Variants in MTRR observed in about 807,000 individuals in gnomAD.
The protein encoded by MTRR is methionine synthase reductase.
MTRR carries 63 observed loss-of-function variants against 79.2 expected under a neutral mutation model. The observed-to-expected ratio is 0.80, with a 90% CI of 0.65 to 0.98. MTRR has a LOEUF of 0.98. MTRR is among the 50% of genes least tolerant of loss of function. MTRR has a pLI of 0.00. For synonymous variants in MTRR, 355 were observed against 313.3 expected (o/e 1.13, Z -1.41); for missense variants, 895 against 839.6 (o/e 1.07, Z -0.82).
At chr5:7,851,103 G>A (rs1174269301), upstream of MTRR, 3 of 1,224,884 alleles carry the variant, frequency 2.4e-6, no homozygotes, top group Middle Eastern at 3.1e-4. Context: ...CAGGCCTCAG[G>A]TTGCTCAGCG....
intron 1 of MTRR, chr5:7,870,518 G>A (rs906089481): frequency 2.2e-6 from 1 of 446,502 alleles, no homozygotes; most frequent in Non-Finnish European, 4.1e-6. Flanking sequence ...ACAGATTCAA[G>A]CCCAAGTAGT....
At chr5:7,895,991 C>A in intron 12 of MTRR, 139 bp downstream of exon 12, 1 of 1,136,130 alleles carries the variant, frequency 8.8e-7, no homozygotes, top group South Asian at 1.5e-5. Flanking sequence ...CATAATTTGT[C>A]ACCATGGGAA....
intron 8 of MTRR, 21 bp downstream of exon 8, chr5:7,886,724 C>A: frequency 6.4e-7 from 1 of 1,556,072 alleles, no homozygotes. Flanking sequence ...CTGTCTTCTT[C>A]AGGTAACTAT....
upstream of MTRR, chr5:7,868,200 G>C: frequency 1.3e-5 from 3 of 222,560 alleles, no homozygotes; most frequent in East Asian, 1.6e-4. Flanking sequence ...CGAGTATCTG[G>C]AAAAAAAAAA....
chr5:7,881,525 G>C (rs1249648205), intron 5 of MTRR, among the ~76,000 whole-genome samples: 1 of 152,066 alleles, frequency 6.6e-6, no homozygotes, highest in African/African-American at 2.4e-5. Flanking sequence ...ATTTTTAAGG[G>C]AATCTGGGTA....
Position 7,880,010 on chromosome 5 carries a change from G to C in MTRR, c.780+1688G>C, listed in dbSNP as rs552558785. 3.3e-5 allele frequency among the ~76,000 whole-genome samples: 5 copies of C among 152,354 alleles called. No individual in the cohort carries two copies. In the South Asian group the frequency reaches 1.0e-3, roughly 32 times the overall value. On this transcript the variant is annotated intron_variant, in intron 5 of 14. Coordinates refer to ENST00000440940, the MANE Select transcript of MTRR (RefSeq NM_002454.3). ...CCTGAAGAGACTTAGCAGTGGTTCT[G>C]CTTCTCTCTAGAAGTGAGGTACAAG...
upstream of MTRR, chr5:7,868,153 A>G (rs1419747722): frequency 4.4e-6 from 4 of 905,848 alleles, no homozygotes; most frequent in Non-Finnish European, 6.5e-6. Context: ...CATTGAGAAC[A>G]TGATTGACCC....
chr5:7,897,075 A>T lies in MTRR; in HGVS notation c.1780A>T (p.Arg594Ter), dbSNP rs1293600145. The T allele has an allele frequency of 6.2e-7, 1 of 1,614,044 alleles. No homozygotes were observed. The highest frequency in any genetic ancestry group is 1.7e-5 in the Admixed American group (1 of 60,006). Residue 594 changes from arginine to a stop codon, truncating the protein, a stop_gained, in exon 14 of 15, where the codon AGA becomes TGA. Coordinates refer to ENST00000440940, the MANE Select transcript of MTRR (RefSeq NM_002454.3). LOFTEE classifies it high-confidence loss of function. Reference sequence around the variant, plus strand: ...TATATTATATTTCAGAAAAGAGCTCAGACATTTCCTTAAGCATGGGATCTT... The same window carrying T: ...TATATTATATTTCAGAAAAGAGCTCTGACATTTCCTTAAGCATGGGATCTT... ...DRDYLFRKELRHFLKHGILTH... is the reference protein window; with the variant it reads ...DRDYLFRKEL
intron 8 of MTRR, among the ~76,000 whole-genome samples, chr5:7,887,817 T>C (rs1315161664): frequency 1.7e-4 from 6 of 35,586 alleles, no homozygotes; most frequent in South Asian, 9.1e-4. Context: ...TATATATATA[T>C]ATATATATAT....
At chr5:7,855,537 T>G (rs1415179732) in intron 1 of MTRR, among the ~76,000 whole-genome samples, 2 of 152,124 alleles carry the variant, frequency 1.3e-5, no homozygotes, top group Non-Finnish European at 2.9e-5. Context: ...AGATGGGGTT[T>G]TGCTCTGCCA....
In MTRR at chr5:7,879,900, C is replaced by T. The variant is rs148654028; in HGVS notation, c.780+1578C>T. On this transcript the variant is annotated intron_variant, in intron 5 of 14. Coordinates refer to ENST00000440940, the MANE Select transcript of MTRR (RefSeq NM_002454.3). ...TGTAGAGCCCTCTCCTGCTCTGGGCCCCACGCAAAGCTGGTGGCCTTTTCT... is the reference window on the plus strand; with the variant it reads ...TGTAGAGCCCTCTCCTGCTCTGGGCTCCACGCAAAGCTGGTGGCCTTTTCT... Among the ~76,000 whole-genome samples the T allele has an allele frequency of 1.0e-3, 159 of 152,306 alleles. 1 individual carries two copies. The highest frequency in any genetic ancestry group is 1.8e-3 in the Non-Finnish European group (123 of 68,030).
chr5:7,852,379 C>T (rs1746101104), intron 1 of MTRR, among the ~76,000 whole-genome samples: 1 of 152,104 alleles, frequency 6.6e-6, no homozygotes, highest in Non-Finnish European at 1.5e-5. Flanking sequence ...CTTTTTCTCT[C>T]TCTTTTTATT....
chr5:7,891,830 CAGG>C (rs1737649921), intron 10 of MTRR, among the ~76,000 whole-genome samples: 2 of 152,096 alleles, frequency 1.3e-5, no homozygotes, highest in Non-Finnish European at 2.9e-5. Context: ...ATCATGAGGT[CAGG>C]AGATCAAGAC....
At chr5:7,895,446 A>T (rs1473539120) in intron 11 of MTRR, among the ~76,000 whole-genome samples, 2 of 152,230 alleles carry the variant, frequency 1.3e-5, no homozygotes, top group Non-Finnish European at 2.9e-5. Flanking sequence ...TTATCCATAG[A>T]CCAAGAAACA....
intron 1 of MTRR, among the ~76,000 whole-genome samples, chr5:7,858,394 A>G (rs903519315): frequency 3.9e-5 from 6 of 151,902 alleles, no homozygotes; most frequent in Non-Finnish European, 7.4e-5. Flanking sequence ...ATGAGCGGCA[A>G]GGTCAGCTGG....
chr5:7,866,436 C>T (rs1579556118), upstream of MTRR, among the ~76,000 whole-genome samples: 2 of 152,108 alleles, frequency 1.3e-5, no homozygotes, highest in East Asian at 3.9e-4. Context: ...AGGCAAAAGT[C>T]AGTTTATCTG....
intron 6 of MTRR, chr5:7,885,365 T>G: frequency 4.1e-6 from 1 of 243,628 alleles, no homozygotes; most frequent in Non-Finnish European, 8.0e-6. Context: ...GTAAGAGGGA[T>G]TTTTATATTT....
At chr5:7,864,155 T>C (rs184293281), upstream of MTRR, among the ~76,000 whole-genome samples, 346 of 152,226 alleles carry the variant, frequency 2.3e-3, 2 homozygotes, top group African/African-American at 8.2e-3. Context: ...ACGGCAAGAG[T>C]ACATTTTAAA....
chr5:7,898,297 C>T (rs902520192), intron 14 of MTRR, among the ~76,000 whole-genome samples: 1 of 152,082 alleles, frequency 6.6e-6, no homozygotes, highest in Admixed American at 6.5e-5. Context: ...TTTAGAGATG[C>T]ACCTCTAAAT....
Sources: gnomAD v4.1 joint callset for allele counts (sites outside exome capture counted in the v4.1 genomes callset) on GRCh38, gnomAD v4.1.1 for gene constraint, MANE v1.5 for transcripts, NCBI Gene and HGNC (gene_info 2026-07-23, HGNC 2026-07-21) for gene names.